Variants in GRIA3 observed in about 807,000 individuals in gnomAD.
The protein encoded by GRIA3 is glutamate ionotropic receptor AMPA type subunit 3, also known as glutamate receptor 3.
A neutral mutation model predicts 63.0 loss-of-function variants in GRIA3; 3 were observed. The ratio of observed to expected loss-of-function variants is 0.05; its 90% confidence interval spans 0.02 to 0.12. The LOEUF (loss-of-function observed/expected upper bound fraction) is 0.12, where lower values mean the gene tolerates loss of function less well. Among genes scored for constraint, GRIA3 ranks in the 10% least tolerant of loss-of-function variants. GRIA3 has a pLI of 1.00. For synonymous variants in GRIA3, 274 were observed against 257.9 expected, an observed-to-expected ratio of 1.06 and a Z score of -0.60; for missense variants, 347 against 700.9, an observed-to-expected ratio of 0.50 and a Z score of 5.70.
rs866083708 is a variant in GRIA3, at chrX:123,401,001, G to A, written c.1081-1993G>A. Among the ~76,000 whole-genome samples, 4 of 111,727 alleles carry A rather than the reference G, an allele frequency of 3.6e-5. No homozygotes were observed. In the Middle Eastern group the frequency reaches 0.014, roughly 386 times the overall value. On this transcript the variant is annotated intron_variant, in intron 7 of 15. Transcript: ENST00000620443. Reference sequence around the variant, plus strand: ...ACAACATTAGTTGCTGAGAACAGAGGTAAAAAAATGTCTCTCATCTCGAGA... The same window carrying A: ...ACAACATTAGTTGCTGAGAACAGAGATAAAAAAATGTCTCTCATCTCGAGA...
intron 2 of GRIA3, among the ~76,000 whole-genome samples, chrX:123,192,977 A>T (rs1927479460): frequency 9.1e-6 from 1 of 110,221 alleles, no homozygotes; most frequent in Non-Finnish European, 1.9e-5. Flanking sequence ...GAGCAAGGAG[A>T]CTGTGATCAT....
intron 15 of GRIA3, among the ~76,000 whole-genome samples, chrX:123,487,574 C>A (rs967307470): frequency 8.9e-6 from 1 of 111,796 alleles, no homozygotes; most frequent in African/African-American, 3.3e-5. Context: ...TCCCAAGGGA[C>A]TTTTACATCA....
chrX:123,194,816 C>T (rs1927531340), intron 2 of GRIA3, among the ~76,000 whole-genome samples: 1 of 112,134 alleles, frequency 8.9e-6, no homozygotes, highest in East Asian at 2.8e-4. Context: ...CCACTGAGCA[C>T]CAGGTATTAT....
chrX:123,484,186 G>A (rs1186925325), intron 15 of GRIA3, among the ~76,000 whole-genome samples: 1 of 111,834 alleles, frequency 8.9e-6, no homozygotes, highest in Non-Finnish European at 1.9e-5. Flanking sequence ...CCTTGACTCT[G>A]GCAACTACAA....
chrX:123,212,388 G>A (rs1249067931), intron 2 of GRIA3, among the ~76,000 whole-genome samples: 1 of 111,928 alleles, frequency 8.9e-6, no homozygotes, highest in Non-Finnish European at 1.9e-5. Flanking sequence ...AAGTAATATT[G>A]TGGTATCTCA....
intron 4 of GRIA3, among the ~76,000 whole-genome samples, 198 bp from the exon 5 acceptor site, chrX:123,354,712 C>A (rs2045121847): frequency 9.0e-6 from 1 of 110,881 alleles, no homozygotes; most frequent in African/African-American, 3.3e-5. Flanking sequence ...CTTGTTTTGA[C>A]ATTTTAAGTT....
intron 4 of GRIA3, among the ~76,000 whole-genome samples, chrX:123,336,779 C>T (rs2044977332): frequency 9.0e-6 from 1 of 111,463 alleles, no homozygotes; most frequent in African/African-American, 3.3e-5. Flanking sequence ...ATTGTGTGAC[C>T]TTGCACAGCC....
intron 13 of GRIA3, among the ~76,000 whole-genome samples, chrX:123,471,990 C>CATATATATATATATAT (rs760824587): frequency 0.019 from 257 of 13,389 alleles, 37 homozygotes; most frequent in African/African-American, 0.031. Flanking sequence ...CAATGGCATT[C>CATATATATATATATAT]ATATATATAT....
At chrX:123,301,483 A>G (rs1336230272) in intron 3 of GRIA3, among the ~76,000 whole-genome samples, 1 of 111,528 alleles carries the variant, frequency 9.0e-6, no homozygotes, top group Non-Finnish European at 1.9e-5. Flanking sequence ...TAGAATGGAG[A>G]TAATAGCAGC....
chrX:123,293,461 G>C (rs1225430384), intron 3 of GRIA3, among the ~76,000 whole-genome samples: 1 of 110,799 alleles, frequency 9.0e-6, no homozygotes, highest in African/African-American at 3.3e-5. Context: ...AGTGTTCATT[G>C]ATACTCCTGT....
At chrX:123,368,149 G>A (rs1012452346) in intron 5 of GRIA3, among the ~76,000 whole-genome samples, 1 of 111,642 alleles carries the variant, frequency 9.0e-6, no homozygotes, top group Non-Finnish European at 1.9e-5. Context: ...GTGTCTGATA[G>A]GCAGATGCTT....
intron 3 of GRIA3, among the ~76,000 whole-genome samples, chrX:123,321,887 C>T (rs2044869865): frequency 8.9e-6 from 1 of 111,829 alleles, no homozygotes; most frequent in African/African-American, 3.2e-5. Context: ...AACAAACCCT[C>T]AGCTCCCTTC....
intron 2 of GRIA3, among the ~76,000 whole-genome samples, chrX:123,193,642 A>G (rs1397917669): frequency 8.9e-6 from 1 of 112,121 alleles, no homozygotes; most frequent in Non-Finnish European, 1.9e-5. Flanking sequence ...GAGGATCGCA[A>G]AATAGCAAAA....
intron 2 of GRIA3, among the ~76,000 whole-genome samples, chrX:123,240,078 T>C (rs1375747755): frequency 1.8e-5 from 2 of 111,729 alleles, no homozygotes; most frequent in African/African-American, 3.3e-5. Flanking sequence ...TGTTCTTAGA[T>C]TCGAGCTAGA....
At chrX:123,420,779 C>T (rs1016640541) in intron 11 of GRIA3, among the ~76,000 whole-genome samples, 1 of 111,103 alleles carries the variant, frequency 9.0e-6, no homozygotes, top group African/African-American at 3.3e-5. Context: ...ACAAGTTGAA[C>T]AGGTTTGTTA....
At chrX:123,276,438 C>A (rs768878521) in intron 3 of GRIA3, among the ~76,000 whole-genome samples, 23 of 111,856 alleles carry the variant, frequency 2.1e-4, no homozygotes, top group Non-Finnish European at 4.1e-4. Context: ...ATCTCTCCCC[C>A]TTTCCTCCCT....
chrX:123,352,901 A>G (rs1603108160), intron 4 of GRIA3, among the ~76,000 whole-genome samples: 1 of 111,072 alleles, frequency 9.0e-6, no homozygotes, highest in African/African-American at 3.3e-5. Flanking sequence ...AGCATGAGAA[A>G]TCACATCCTC....
At chrX:123,381,822 A>G (rs753453798) in intron 5 of GRIA3, among the ~76,000 whole-genome samples, 6 of 112,358 alleles carry the variant, frequency 5.3e-5, no homozygotes, top group Non-Finnish European at 1.1e-4. Context: ...AAGATGACGA[A>G]GAGTCAACAA....
At chrX:123,207,235 A>AT (rs373175549) in intron 2 of GRIA3, among the ~76,000 whole-genome samples, 23 of 111,369 alleles carry the variant, frequency 2.1e-4, no homozygotes, top group African/African-American at 7.5e-4. Context: ...CACACCTTTC[A>AT]TTTTTTCTTC....
Sources: allele counts gnomAD v4.1 joint callset (sites outside exome capture counted in the v4.1 genomes callset), GRCh38; gene constraint gnomAD v4.1.1; transcripts MANE v1.5; gene names NCBI Gene and HGNC (gene_info 2026-07-23, HGNC 2026-07-21).